Variants in GATAD1 observed in about 807,000 individuals in gnomAD.
The protein encoded by GATAD1 is GATA zinc finger domain-containing protein 1.
In GATAD1, 12 loss-of-function variants were observed where a neutral mutation model predicts 26.5. That is an observed-to-expected ratio of 0.45 (90% confidence interval 0.29 to 0.73). The LOEUF is 0.73. GATAD1 is among the 30% of genes least tolerant of loss of function. The pLI is 0.10. For missense variants in GATAD1, 266 were observed against 342.1 expected (o/e 0.78, Z 1.75); for synonymous variants, 129 against 133.1 (o/e 0.97, Z 0.21).
chr7:92,479,722 G>C, the GATAD1 span, among the ~76,000 whole-genome samples: 190 of 152,240 alleles, frequency 1.2e-3, no homozygotes, highest in African/African-American at 4.3e-3. Context: ...GATTATGGGC[G>C]GCATGGGAAC....
At position 92,457,161 on chromosome 7, in the gene GATAD1, G is replaced by GA. The variant is rs35310565; in HGVS notation, c.*619dup. ...GCAACAGAGTGAGACTCTTGTCTCG[G>GA]AAAAAAAAAAAAAAAAAAAAGGCTG... On this transcript the variant is annotated 3_prime_UTR_variant, in exon 5 of 5. Transcript: ENST00000287957. 5,251 of 95,456 alleles carry GA rather than the reference G, an allele frequency of 0.055. 152 individuals are homozygous for GA. Among genetic ancestry groups the GA allele is most frequent in the Non-Finnish European group, 0.076 (3,556 of 46,742 alleles). The allele number at this position is 95,456 out of a possible 1,614,324, so 5.9% of individuals were successfully genotyped here. A position where few individuals can be genotyped will look rare whatever the true frequency, so the allele number is the denominator to read the frequency against.
chr7:92,483,999 G>A, the GATAD1 span, among the ~76,000 whole-genome samples: 4 of 152,102 alleles, frequency 2.6e-5, no homozygotes, highest in South Asian at 6.2e-4. Flanking sequence ...GGGATGAGTC[G>A]CATTGGGAGC....
chr7:92,487,441 CA>C, the GATAD1 span: 1 of 1,430,854 alleles, frequency 7.0e-7, no homozygotes, highest in Non-Finnish European at 9.8e-7. Context: ...AGAACCAAAT[CA>C]AAAAGAAGTA....
the GATAD1 span, among the ~76,000 whole-genome samples, chr7:92,479,062 A>G: frequency 6.6e-6 from 1 of 151,638 alleles, no homozygotes; most frequent in Non-Finnish European, 1.5e-5. Flanking sequence ...CCACTTTTCC[A>G]CTGCACATGG....
At chr7:92,470,076 G>A in the GATAD1 span, 20 of 778,756 alleles carry the variant, frequency 2.6e-5, no homozygotes, top group South Asian at 2.7e-4. Context: ...AACAGACAGT[G>A]ACTCCAAGTC....
rs543976866 is a variant in GATAD1 at position 92,447,538 on chromosome 7, G to A, written c.-192G>A. 168 of 588,968 alleles carry A rather than the reference G, an allele frequency of 2.9e-4. No homozygotes were observed. In the East Asian group the frequency reaches 6.6e-3, roughly 23 times the overall value. 36.5% of individuals were successfully genotyped at this position (588,968 alleles called of 1,614,324 possible). On this transcript the variant is annotated 5_prime_UTR_variant, in exon 1 of 5. Transcript: ENST00000287957. ...CCAGGGAATCCTGGCCTCCGCCTGC[G>A]GAGCCGGCGGAACCCGCTTCCCGCC...
intron 4 of GATAD1, among the ~76,000 whole-genome samples, chr7:92,455,934 A>G (rs574604717): frequency 4.5e-4 from 69 of 152,294 alleles, no homozygotes; most frequent in African/African-American, 1.6e-3. Flanking sequence ...GCAGCATGGC[A>G]TGAGGTCAGA....
chr7:92,456,799 T>C lies in GATAD1; in HGVS notation c.*237T>C. On this transcript the variant is annotated 3_prime_UTR_variant, in exon 5 of 5. Coordinates refer to ENST00000287957, the MANE Select transcript of GATAD1 (RefSeq NM_021167.5). The stretch of plus-strand genomic sequence containing the variant: ...ACTAAAAAGTTTTTCTCCTGCTACC[T>C]AGTAATAAACAAATCATTGTTTATT... The C allele has an allele frequency of 2.3e-6, 1 of 435,242 alleles. No homozygotes were observed. Among genetic ancestry groups the C allele is most frequent in the Non-Finnish European group, 4.0e-6 (1 of 249,462 alleles). The allele number at this position is 435,242 out of a possible 1,614,324, so 27.0% of individuals were successfully genotyped here. A position where few individuals can be genotyped will look rare whatever the true frequency, so the allele number is the denominator to read the frequency against.
chr7:92,458,029 C>G lies in GATAD1; in HGVS notation c.*1467C>G, dbSNP rs1018750665. Reference sequence around the variant, plus strand: ...GTGCATGCCTGTAATCCCAGCTACTCGGGAGGCTGAGGCAGGAGAATTGCT... The same window carrying G: ...GTGCATGCCTGTAATCCCAGCTACTGGGGAGGCTGAGGCAGGAGAATTGCT... On this transcript the variant is annotated 3_prime_UTR_variant, in exon 5 of 5. Transcript: ENST00000287957. The G allele has an allele frequency of 6.6e-6, 1 of 152,078 alleles. No homozygotes were observed. The highest frequency in any genetic ancestry group is 6.6e-5 in the Admixed American group (1 of 15,246). The allele number at this position is 152,078 out of a possible 1,614,324, so 9.4% of individuals were successfully genotyped here.
downstream of GATAD1, among the ~76,000 whole-genome samples, chr7:92,460,802 C>T (rs150115549): frequency 2.1e-3 from 304 of 145,110 alleles, 1 homozygote; most frequent in African/African-American, 7.4e-3. Flanking sequence ...AAAAAAAAGA[C>T]GGAAATTCCT....
chr7:92,468,661 A>G, the GATAD1 span: 1 of 608,076 alleles, frequency 1.6e-6, no homozygotes, highest in Non-Finnish European at 2.9e-6. Flanking sequence ...AGCTAGGCTT[A>G]GGGATTCTTA....
chr7:92,468,620 C>G, the GATAD1 span: 1 of 562,394 alleles, frequency 1.8e-6, no homozygotes, highest in East Asian at 2.9e-5. Flanking sequence ...TTGCAAGCCC[C>G]GTGTTTAAAG....
chr7:92,474,198 A>T, the GATAD1 span, among the ~76,000 whole-genome samples: 1 of 151,968 alleles, frequency 6.6e-6, no homozygotes, highest in African/African-American at 2.4e-5. Context: ...GATCTCTATT[A>T]TAAAAAACCG....
chr7:92,493,317 T>C, the GATAD1 span: 1 of 406,472 alleles, frequency 2.5e-6, no homozygotes, highest in Middle Eastern at 6.6e-4. Context: ...AGAAATAATA[T>C]ATATAGGAAA....
the GATAD1 span, chr7:92,494,165 G>T: frequency 1.3e-6 from 1 of 754,214 alleles, no homozygotes; most frequent in Non-Finnish European, 2.3e-6. Context: ...TGAGCAAACA[G>T]TGGCTAAAGC....
At position 92,456,838 on chromosome 7, in the gene GATAD1, A is replaced by G. The variant is rs2115887365; in HGVS notation, c.*276A>G. 1 of 316,764 alleles carries G rather than the reference A, an allele frequency of 3.2e-6. No individual in the cohort carries two copies. 19.6% of individuals were successfully genotyped at this position (316,764 alleles called of 1,614,324 possible). A position where few individuals can be genotyped will look rare whatever the true frequency, so the allele number is the denominator to read the frequency against. ...TCATTGTTTATTACTGGTCACTTAGAAAATTAAAAGGGATAGGGCCAGGCA... is the reference window on the plus strand; with the variant it reads ...TCATTGTTTATTACTGGTCACTTAGGAAATTAAAAGGGATAGGGCCAGGCA... On this transcript the variant is annotated 3_prime_UTR_variant, in exon 5 of 5. Coordinates refer to ENST00000287957, the MANE Select transcript of GATAD1 (RefSeq NM_021167.5).
the GATAD1 span, chr7:92,487,634 G>A: frequency 1.8e-6 from 1 of 551,430 alleles, no homozygotes. Context: ...TATATTTTAA[G>A]AAATGAACGG....
chr7:92,489,724 C>T, the GATAD1 span: 1 of 1,613,854 alleles, frequency 6.2e-7, no homozygotes, highest in African/African-American at 1.3e-5. Context: ...TCCACTTTGG[C>T]TCCGGTATCT....
chr7:92,463,305 C>G (rs1789988249), downstream of GATAD1, among the ~76,000 whole-genome samples: 1 of 152,028 alleles, frequency 6.6e-6, no homozygotes, highest in Non-Finnish European at 1.5e-5. Context: ...TGGGTAGTGA[C>G]AGTAGTCAAC....
Sources: allele counts gnomAD v4.1 joint callset (sites outside exome capture counted in the v4.1 genomes callset), GRCh38; gene constraint gnomAD v4.1.1; transcripts MANE v1.5; gene names NCBI Gene and HGNC (gene_info 2026-07-23, HGNC 2026-07-21).